CDC42BPB: variants seen among roughly 807,000 people sequenced by gnomAD.
The protein encoded by CDC42BPB is CDC42 binding protein kinase beta, also known as serine/threonine-protein kinase MRCK beta.
A neutral mutation model predicts 214.9 loss-of-function variants in CDC42BPB; 37 were observed. The ratio of observed to expected loss-of-function variants is 0.17; its 90% confidence interval spans 0.13 to 0.23. The LOEUF (loss-of-function observed/expected upper bound fraction) is 0.23. Ranked by LOEUF, CDC42BPB falls within the 10% of genes least tolerant of loss-of-function variation. The pLI is 1.00. For synonymous variants in CDC42BPB, 931 were observed against 884.0 expected, an observed-to-expected ratio of 1.05 and a Z score of -0.94; for missense variants, 1,694 against 2,227.0, an observed-to-expected ratio of 0.76 and a Z score of 4.82.
intron 5 of CDC42BPB, among the ~76,000 whole-genome samples, chr14:102,994,648 G>A (rs904625196): frequency 6.6e-6 from 1 of 152,218 alleles, no homozygotes; most frequent in Non-Finnish European, 1.5e-5. Flanking sequence ...TCCCCCAAGT[G>A]CATTTTCTCC....
chr14:102,974,184 T>C, intron 11 of CDC42BPB, 35 bp from the exon 12 acceptor site: 2 of 1,609,982 alleles, frequency 1.2e-6, no homozygotes, highest in Non-Finnish European at 1.7e-6. Context: ...TGTTCCTTTA[T>C]GTGCAATGAC....
intron 4 of CDC42BPB, among the ~76,000 whole-genome samples, chr14:103,000,449 G>A (rs930695837): frequency 6.6e-6 from 1 of 152,248 alleles, no homozygotes; most frequent in Admixed American, 6.5e-5. Flanking sequence ...GGAGGCCCCA[G>A]TGGGGAGATC....
intron 13 of CDC42BPB, among the ~76,000 whole-genome samples, chr14:102,971,152 G>C (rs1412196917): frequency 6.6e-6 from 1 of 152,068 alleles, no homozygotes; most frequent in Admixed American, 6.5e-5. Context: ...GTAGCAAAAC[G>C]GATTGAAGAA....
intron 13 of CDC42BPB, 21 bp downstream of exon 13, chr14:102,971,898 C>T (rs1893488584): frequency 3.1e-6 from 5 of 1,612,292 alleles, no homozygotes; most frequent in Non-Finnish European, 3.4e-6. Flanking sequence ...GATACCATCC[C>T]TGAACCATCT....
chr14:102,932,749 G>C lies in CDC42BPB; in HGVS notation c.*963C>G, dbSNP rs977273550. On this transcript the variant is annotated 3_prime_UTR_variant, in exon 37 of 37. Transcript: ENST00000361246. ...ACTCAACATCTGGTACAAAGGGTGA[G>C]GTGAAATCCACGCGCAGGGGATTGC... The C allele has an allele frequency of 6.6e-6, 1 of 152,562 alleles. No homozygotes were observed. The highest frequency in any genetic ancestry group is 2.4e-5 in the African/African-American group (1 of 41,400). 9.5% of individuals were successfully genotyped at this position (152,562 alleles called of 1,614,324 possible).
At chr14:103,025,784 G>C (rs1887017902) in intron 1 of CDC42BPB, among the ~76,000 whole-genome samples, 1 of 150,438 alleles carries the variant, frequency 6.6e-6, no homozygotes, top group Non-Finnish European at 1.5e-5. Context: ...TCCAGCCTGG[G>C]TGACAGAGCG....
rs368607024 is a variant in CDC42BPB at position 102,984,737 on chromosome 14, C to T, written c.691-981G>A. ...AGGCTCAGGCAGGAACTGGAGACAA[C>T]AACCACAGGCCTGTCTGGGGAAGGC... On this transcript the variant is annotated intron_variant, in intron 6 of 36. Coordinates refer to ENST00000361246, the MANE Select transcript of CDC42BPB (RefSeq NM_006035.4). Among the ~76,000 whole-genome samples the T allele has an allele frequency of 2.7e-4, 41 of 152,202 alleles. No homozygotes were observed. In the East Asian group the frequency reaches 3.1e-3, roughly 12 times the overall value.
chr14:102,938,044 C>T, intron 36 of CDC42BPB, 60 bp downstream of exon 36: 2 of 1,565,308 alleles, frequency 1.3e-6, no homozygotes, highest in Non-Finnish European at 1.8e-6. Context: ...GATCTTCGGG[C>T]TGCTTTTCCT....
Position 103,057,366 on chromosome 14 carries a change from G to A in CDC42BPB, c.-193C>T. On this transcript the variant is annotated 5_prime_UTR_variant, in exon 1 of 37. Coordinates refer to ENST00000361246, the MANE Select transcript of CDC42BPB (RefSeq NM_006035.4). ...CCGTCCCGACGGCGCAGAGTCTGGG[G>A]CGCCGGGCCCCGCGGGTCCATGGGC... 1.0e-6 allele frequency: 1 copy of A among 999,622 alleles called. No homozygotes were observed. Among genetic ancestry groups the A allele is most frequent in the Non-Finnish European group, 1.2e-6 (1 of 838,246 alleles). The allele number at this position is 999,622 out of a possible 1,614,324, so 61.9% of individuals were successfully genotyped here. A position where few individuals can be genotyped will look rare whatever the true frequency, so the allele number is the denominator to read the frequency against.
rs145713424 is a variant in CDC42BPB at position 102,975,889 on chromosome 14, G to A, written c.1381C>T (p.Leu461=). ...GAGCCGGCGCTGCCCTCACCTTGCA[G>A]CTTCCTGCTCAGCTCCAGCTTCTCC... is the stretch of plus-strand genomic sequence containing the variant. The part of the protein sequence containing the change: ...EQEKLELSRK[L]QESTQTVQSL... The change falls in exon 10 of 37, where the codon CTG becomes TTG. Residue 461 remains leucine (L), a synonymous_variant. Transcript: ENST00000361246. 1 of 1,614,026 alleles carries A rather than the reference G, an allele frequency of 6.2e-7. No homozygotes were observed. Among genetic ancestry groups the A allele is most frequent in the African/African-American group, 1.3e-5 (1 of 74,928 alleles).
intron 21 of CDC42BPB, among the ~76,000 whole-genome samples, chr14:102,957,360 A>C (rs574756277): frequency 8.1e-4 from 124 of 152,234 alleles, no homozygotes; most frequent in African/African-American, 2.7e-3. Flanking sequence ...ACTGGCTGTA[A>C]ACTCACTTGC....
At chr14:103,054,457 A>C (rs901072442) in intron 1 of CDC42BPB, among the ~76,000 whole-genome samples, 1 of 152,234 alleles carries the variant, frequency 6.6e-6, no homozygotes, top group African/African-American at 2.4e-5. Context: ...GAGCAGAAGT[A>C]ATTCCACTTG....
intron 20 of CDC42BPB, among the ~76,000 whole-genome samples, chr14:102,962,436 C>T (rs1385117968): frequency 1.3e-5 from 2 of 152,264 alleles, no homozygotes; most frequent in African/African-American, 4.8e-5. Flanking sequence ...CGGCAGCGCA[C>T]AGTGCAGCTG....
intron 12 of CDC42BPB, among the ~76,000 whole-genome samples, chr14:102,972,500 AAC>A (rs1449067456): frequency 6.6e-6 from 1 of 152,164 alleles, no homozygotes; most frequent in South Asian, 2.1e-4. Context: ...CATCCTGGCT[AAC>A]ACAGTGAAAC....
At chr14:103,016,666 T>C (rs983615238) in intron 1 of CDC42BPB, among the ~76,000 whole-genome samples, 34 of 152,160 alleles carry the variant, frequency 2.2e-4, no homozygotes, top group African/African-American at 8.2e-4. Flanking sequence ...AGTGAGGAGT[T>C]ATAGATAAGG....
At chr14:102,969,129 G>A (rs1479845518) in intron 14 of CDC42BPB, among the ~76,000 whole-genome samples, 2 of 152,208 alleles carry the variant, frequency 1.3e-5, no homozygotes, top group Non-Finnish European at 2.9e-5. Flanking sequence ...GTTGTAGGGA[G>A]TGGAGGGCGT....
chr14:102,935,587 T>C (rs12884762), intron 36 of CDC42BPB, among the ~76,000 whole-genome samples: 2,185 of 151,990 alleles, frequency 0.014, 24 homozygotes, highest in Non-Finnish European at 0.023. Context: ...GTCAGGAGTT[T>C]GAGACCAGTC....
intron 18 of CDC42BPB, among the ~76,000 whole-genome samples, chr14:102,965,639 T>C (rs1209462197): frequency 6.6e-6 from 1 of 152,166 alleles, no homozygotes; most frequent in African/African-American, 2.4e-5. Context: ...TCATTTTCCA[T>C]CTATAACAGT....
intron 30 of CDC42BPB, chr14:102,941,277 T>C: frequency 2.0e-6 from 2 of 985,446 alleles, no homozygotes; most frequent in Non-Finnish European, 2.4e-6. Flanking sequence ...CTCTTCTGCC[T>C]CCGGAGTTCA....
Sources: gnomAD v4.1 joint callset for allele counts (sites outside exome capture counted in the v4.1 genomes callset) on GRCh38, gnomAD v4.1.1 for gene constraint, MANE v1.5 for transcripts, NCBI Gene and HGNC (gene_info 2026-07-23, HGNC 2026-07-21) for gene names.